Variants in TRMT11 observed in about 807,000 individuals in gnomAD.
The protein encoded by TRMT11 is tRNA methyltransferase 11.
A neutral mutation model predicts 62.8 loss-of-function variants in TRMT11; 53 were observed. The ratio of observed to expected loss-of-function variants is 0.84; its 90% confidence interval spans 0.68 to 1.06. TRMT11 has a LOEUF of 1.06. Among genes scored for constraint, TRMT11 ranks in the 50% least tolerant of loss-of-function variants. The pLI is 0.00. For missense variants in TRMT11, 556 were observed against 553.4 expected (o/e 1.00, Z -0.05); for synonymous variants, 188 against 190.3 (o/e 0.99, Z 0.10).
At chr6:126,260,292 C>T in the TRMT11 span, among the ~76,000 whole-genome samples, 2 of 152,190 alleles carry the variant, frequency 1.3e-5, no homozygotes, top group Non-Finnish European at 2.9e-5. Context: ...CTGATAGCAA[C>T]TTAACCTTGG....
chr6:126,192,850 T>TTTGGATCTACATTTATCAGGTATA (rs1778618931), intron 1 of TRMT11, among the ~76,000 whole-genome samples: 1 of 152,204 alleles, frequency 6.6e-6, no homozygotes, highest in African/African-American at 2.4e-5. Flanking sequence ...GTTGAGAATT[T>TTTGGATCTACATTTATCAGGTATA]TTGGATCTAC....
At chr6:126,224,556 A>G in the TRMT11 span, among the ~76,000 whole-genome samples, 1 of 152,048 alleles carries the variant, frequency 6.6e-6, no homozygotes, top group East Asian at 1.9e-4. Context: ...TGGCAACAAC[A>G]CTCTGATGAG....
chr6:126,056,629 CTT>C (rs768096202), intron 17 of TRMT11, among the ~76,000 whole-genome samples: 35 of 152,108 alleles, frequency 2.3e-4, no homozygotes, highest in Non-Finnish European at 4.0e-4. Flanking sequence ...CAAGTAAAGA[CTT>C]AGGCCAGGCG....
chr6:126,169,055 C>G (rs1243613472), intron 21 of TRMT11, among the ~76,000 whole-genome samples: 1 of 152,172 alleles, frequency 6.6e-6, no homozygotes. Context: ...ATCAGGAGAT[C>G]GCACCTAAGA....
At chr6:126,261,236 T>C in the TRMT11 span, among the ~76,000 whole-genome samples, 1 of 152,192 alleles carries the variant, frequency 6.6e-6, no homozygotes, top group Non-Finnish European at 1.5e-5. Context: ...TTTATTTCAT[T>C]AACTGATTTT....
chr6:126,134,721 C>G (rs1777831569), intron 21 of TRMT11, among the ~76,000 whole-genome samples: 1 of 151,794 alleles, frequency 6.6e-6, no homozygotes, highest in African/African-American at 2.4e-5. Context: ...AAACATTCTT[C>G]AGGACAGACC....
At chr6:126,021,349 C>G in intron 12 of TRMT11, 69 bp downstream of exon 12, 2 of 1,546,430 alleles carry the variant, frequency 1.3e-6, no homozygotes, top group African/African-American at 2.7e-5. Context: ...AAATAGTTTT[C>G]CTGTGATAGA....
downstream of TRMT11, among the ~76,000 whole-genome samples, chr6:126,041,667 C>G (rs978413621): frequency 1.3e-5 from 2 of 151,984 alleles, no homozygotes; most frequent in Non-Finnish European, 2.9e-5. Context: ...GTTAATAGTT[C>G]TAACAGGAAA....
chr6:126,011,205 A>G (rs758426941), intron 8 of TRMT11, 48 bp from the exon 9 acceptor site: 3 of 1,461,116 alleles, frequency 2.1e-6, no homozygotes, highest in East Asian at 2.4e-5. Flanking sequence ...ACAGAAAATA[A>G]GAATACTCTG....
the TRMT11 span, among the ~76,000 whole-genome samples, chr6:126,239,023 G>C: frequency 6.6e-6 from 1 of 152,058 alleles, no homozygotes; most frequent in Non-Finnish European, 1.5e-5. Flanking sequence ...TTAGAGACTA[G>C]GATTGCACCC....
chr6:126,012,099 TC>T (rs777862284), intron 9 of TRMT11, among the ~76,000 whole-genome samples: 1 of 152,182 alleles, frequency 6.6e-6, no homozygotes, highest in Non-Finnish European at 1.5e-5. Flanking sequence ...TCTCTTTAGT[TC>T]TTTACTAACT....
intron 17 of TRMT11, among the ~76,000 whole-genome samples, chr6:126,067,594 C>A (rs1260358211): frequency 6.6e-6 from 1 of 152,156 alleles, no homozygotes; most frequent in Admixed American, 6.5e-5. Flanking sequence ...TGATGATGGA[C>A]ATTTACATTT....
chr6:126,110,341 A>G (rs1240117030), intron 17 of TRMT11, among the ~76,000 whole-genome samples: 2 of 152,144 alleles, frequency 1.3e-5, no homozygotes, highest in Non-Finnish European at 2.9e-5. Flanking sequence ...ACTGAGAAAT[A>G]TGGTCTCTTT....
intron 17 of TRMT11, among the ~76,000 whole-genome samples, chr6:126,056,765 C>A (rs1776385647): frequency 6.6e-6 from 1 of 152,214 alleles, no homozygotes; most frequent in Non-Finnish European, 1.5e-5. Context: ...GGAATGCAGA[C>A]TCTGATGTGC....
downstream of TRMT11, among the ~76,000 whole-genome samples, chr6:126,041,763 A>G (rs1234629627): frequency 6.6e-6 from 1 of 152,154 alleles, no homozygotes; most frequent in Non-Finnish European, 1.5e-5. Context: ...TGCCAAGGCA[A>G]TTGATGACCT....
chr6:126,125,945 G>A (rs1325341221), intron 21 of TRMT11, among the ~76,000 whole-genome samples: 2 of 151,900 alleles, frequency 1.3e-5, no homozygotes, highest in African/African-American at 2.4e-5. Flanking sequence ...CTGATTTCTC[G>A]CTTCTTTCAA....
the TRMT11 span, among the ~76,000 whole-genome samples, chr6:126,270,508 A>G: frequency 1.3e-5 from 2 of 152,216 alleles, no homozygotes; most frequent in South Asian, 2.1e-4. Context: ...AACAATTGGC[A>G]TAATGGCAAT....
intron 12 of TRMT11, among the ~76,000 whole-genome samples, chr6:126,030,155 A>G (rs1773931128): frequency 6.6e-6 from 1 of 152,168 alleles, no homozygotes; most frequent in Non-Finnish European, 1.5e-5. Context: ...TGGATGCCAG[A>G]CTTTTGACCT....
At chr6:126,218,254 C>G in the TRMT11 span, among the ~76,000 whole-genome samples, 1 of 152,126 alleles carries the variant, frequency 6.6e-6, no homozygotes, top group African/African-American at 2.4e-5. Flanking sequence ...ACAAAGTCCC[C>G]TTACTCTTCC....
Sources: allele counts gnomAD v4.1 joint callset (sites outside exome capture counted in the v4.1 genomes callset), GRCh38; gene constraint gnomAD v4.1.1; transcripts MANE v1.5; gene names NCBI Gene and HGNC (gene_info 2026-07-23, HGNC 2026-07-21).